Variants in SLC52A2 observed in about 807,000 individuals in gnomAD.
SLC52A2 encodes solute carrier family 52, riboflavin transporter, member 2.
SLC52A2 carries 16 observed loss-of-function variants against 24.8 expected under a neutral mutation model. The observed-to-expected ratio is 0.64, with a 90% CI of 0.44 to 0.98. The LOEUF (loss-of-function observed/expected upper bound fraction) is 0.98, where lower values mean the gene tolerates loss of function less well. Among genes scored for constraint, SLC52A2 ranks in the 50% least tolerant of loss-of-function variants. The pLI is 0.00. For synonymous variants in SLC52A2, 335 were observed against 276.3 expected (o/e 1.21, Z -2.11); for missense variants, 612 against 575.9 (o/e 1.06, Z -0.64).
rs1281874988 is a variant in SLC52A2, at chr8:144,360,275, C to T, written c.783C>T (p.Thr261=). 1.2e-6 allele frequency: 2 copies of T among 1,612,082 alleles called. No homozygotes were observed. The highest frequency in any genetic ancestry group is 1.1e-5 in the South Asian group (1 of 91,090). Residue 261 remains threonine, a synonymous_variant, in exon 3 of 5, where the codon ACC becomes ACT. Coordinates refer to ENST00000643944, the MANE Select transcript of SLC52A2 (RefSeq NM_001363118.2). ...QEPPSQAAGT[T]PGPDPKAYQL... ...CACCAAGCCAGGCAGCAGGCACCAC[C>T]CCTGGTCCAGACCCTAAGGCCTATC...
At position 144,359,206 on chromosome 8, in the gene SLC52A2, A is replaced by C; in HGVS notation, c.-88A>C. ...AAGCTAGAAGAAGTCTTCACTTCCC[A>C]GGAGAGCCAAAGCGTGTCTGGCCCT... is the stretch of plus-strand genomic sequence containing the variant. On this transcript the variant is annotated 5_prime_UTR_variant, in exon 2 of 5. Transcript: ENST00000643944. 1.3e-6 allele frequency: 2 copies of C among 1,520,240 alleles called. No individual in the cohort carries two copies. Among genetic ancestry groups the C allele is most frequent in the Non-Finnish European group, 1.8e-6 (2 of 1,135,848 alleles). The allele number at this position is 1,520,240 out of a possible 1,614,324, so 94.2% of individuals were successfully genotyped here.
At position 144,360,016 on chromosome 8, in the gene SLC52A2, C is replaced by T. The variant is rs1161104801; in HGVS notation, c.524C>T (p.Ala175Val). The T allele has an allele frequency of 1.2e-6, 2 of 1,612,884 alleles. No homozygotes were observed. Among genetic ancestry groups the T allele is most frequent in the East Asian group, 2.2e-5 (1 of 44,886 alleles). Residue 175 changes from alanine to valine, a missense_variant, in exon 3 of 5, where the codon GCC becomes GTC. Ala to Val is a moderately conservative substitution (Grantham distance 64, BLOSUM62 0). Coordinates refer to ENST00000643944, the MANE Select transcript of SLC52A2 (RefSeq NM_001363118.2). Reference sequence around the variant, plus strand: ...GTGGGCCGCCTCGAGTGCCCGCCAGCCCCCATCAACGGCACCCCTGGCCCC... The same window carrying T: ...GTGGGCCGCCTCGAGTGCCCGCCAGTCCCCATCAACGGCACCCCTGGCCCC... ...QGVGRLECPP[A>V]PINGTPGPPL... is the part of the protein sequence containing the mutation.
rs943202791 is a variant in SLC52A2 at position 144,361,232 on chromosome 8, G to A, written c.*217G>A. 2 of 569,184 alleles carry A rather than the reference G, an allele frequency of 3.5e-6. No homozygotes were observed. Among genetic ancestry groups the A allele is most frequent in the Non-Finnish European group, 6.2e-6 (2 of 320,002 alleles). 35.3% of individuals were successfully genotyped at this position (569,184 alleles called of 1,614,324 possible). On this transcript the variant is annotated 3_prime_UTR_variant, in exon 5 of 5. Coordinates refer to ENST00000643944, the MANE Select transcript of SLC52A2 (RefSeq NM_001363118.2). Reference sequence around the variant, plus strand: ...GCTGTAGGGTAAGCCCCTGAGCCTGGGACCTACATGTGGTTTGCGTAATAA... The same window carrying A: ...GCTGTAGGGTAAGCCCCTGAGCCTGAGACCTACATGTGGTTTGCGTAATAA...
rs372988060 is a variant in SLC52A2 at position 144,359,669 on chromosome 8, C to T, written c.177C>T (p.Asn59=). 9 of 1,613,666 alleles carry T rather than the reference C, an allele frequency of 5.6e-6. No individual in the cohort carries two copies. The highest frequency in any genetic ancestry group is 3.3e-5 in the Admixed American group (2 of 59,978). Reference sequence around the variant, plus strand: ...TCTCTGTGCTTGTGGCTCTGGGGAACCTGGGTCTGCTGGTGGTGACCCTCT... The same window carrying T: ...TCTCTGTGCTTGTGGCTCTGGGGAATCTGGGTCTGCTGGTGGTGACCCTCT... ...SYVSVLVALG[N]LGLLVVTLWR... Residue 59 remains asparagine (N), a synonymous_variant, in exon 3 of 5, where the codon AAC becomes AAT. Transcript: ENST00000643944.
At position 144,359,610 on chromosome 8, in the gene SLC52A2, C is replaced by T. The variant is rs781795623; in HGVS notation, c.131-13C>T. The T allele has an allele frequency of 1.9e-6, 3 of 1,609,490 alleles. No homozygotes were observed. The highest frequency in any genetic ancestry group is 2.5e-6 in the Non-Finnish European group (3 of 1,176,790). On this transcript the variant is annotated splice_polypyrimidine_tract_variant and intron_variant, in intron 2 of 4. Coordinates refer to ENST00000643944, the MANE Select transcript of SLC52A2 (RefSeq NM_001363118.2). ...CATCATGACCCTGACATGGCCTCCT[C>T]CCTTCCCTGCAGGTTGGAGCCTCCC...
In SLC52A2 at chr8:144,360,676, C is replaced by T. The variant is rs797045202; in HGVS notation, c.1088C>T (p.Pro363Leu). The T allele has an allele frequency of 5.6e-6, 9 of 1,604,958 alleles. No individual in the cohort carries two copies. Among genetic ancestry groups the T allele is most frequent in the Non-Finnish European group, 6.8e-6 (8 of 1,179,178 alleles). Residue 363 changes from proline to leucine, a missense_variant, in exon 4 of 5, where the codon CCG becomes CTG. Transcript: ENST00000643944. ...GCGCTGGCAGTCCTGAGCCCCTGCC[C>T]GCCCCTGGTGGGCACCTCGGCGGGG... ...LMALAVLSPC[P>L]PLVGTSAGVV...
At position 144,361,044 on chromosome 8, in the gene SLC52A2, A is replaced by G. The variant is rs782702045; in HGVS notation, c.*29A>G. The G allele has an allele frequency of 6.2e-7, 1 of 1,600,580 alleles. No individual in the cohort carries two copies. The highest frequency in any genetic ancestry group is 8.5e-7 in the Non-Finnish European group (1 of 1,170,506). Reference sequence around the variant, plus strand: ...TGGGCAGGTGGGGACCCCGCTCCCCAACACCTGTCTTTCCCTCAATGCTGC... The same window carrying G: ...TGGGCAGGTGGGGACCCCGCTCCCCGACACCTGTCTTTCCCTCAATGCTGC... On this transcript the variant is annotated 3_prime_UTR_variant, in exon 5 of 5. Coordinates refer to ENST00000643944, the MANE Select transcript of SLC52A2 (RefSeq NM_001363118.2).
In SLC52A2 at chr8:144,359,419, A is replaced by C. The variant is rs527404024; in HGVS notation, c.126A>C (p.Pro42=). Reference sequence around the variant, plus strand: ...TACCTGTGGTGGTCAAAGAGCTTCCAGAGGGTGAGTGGGAGGGAGGTGCAG... The same window carrying C: ...TACCTGTGGTGGTCAAAGAGCTTCCCGAGGGTGAGTGGGAGGGAGGTGCAG... ...VELPVVVKEL[P]EGWSLPSYVS... The change falls in exon 2 of 5, where the codon CCA becomes CCC. Residue 42 remains proline, a synonymous_variant. Transcript: ENST00000643944. The C allele has an allele frequency of 5.8e-5, 93 of 1,612,230 alleles. 1 individual carries two copies. The South Asian group carries it at 9.6e-4, about 17-fold the overall frequency.
chr8:144,359,671 T>G lies in SLC52A2; in HGVS notation c.179T>G (p.Leu60Arg). Residue 60 changes from leucine (L) to arginine (R), a missense_variant, in exon 3 of 5, where the codon CTG becomes CGG. Coordinates refer to ENST00000643944, the MANE Select transcript of SLC52A2 (RefSeq NM_001363118.2). Reference sequence around the variant, plus strand: ...TCTGTGCTTGTGGCTCTGGGGAACCTGGGTCTGCTGGTGGTGACCCTCTGG... The same window carrying G: ...TCTGTGCTTGTGGCTCTGGGGAACCGGGGTCTGCTGGTGGTGACCCTCTGG... ...YVSVLVALGN[L>R]GLLVVTLWRR... is the part of the protein sequence containing the mutation. 1 of 1,613,760 alleles carries G rather than the reference T, an allele frequency of 6.2e-7. No homozygotes were observed. Among genetic ancestry groups the G allele is most frequent in the Non-Finnish European group, 8.5e-7 (1 of 1,179,970 alleles).
In SLC52A2 at chr8:144,360,512, C is replaced by T; in HGVS notation, c.1001+19C>T. 7 of 1,587,316 alleles carry T rather than the reference C, an allele frequency of 4.4e-6. No individual in the cohort carries two copies. The highest frequency in any genetic ancestry group is 5.1e-6 in the Non-Finnish European group (6 of 1,170,608). On this transcript the variant is annotated intron_variant, in intron 3 of 4. Coordinates refer to ENST00000643944, the MANE Select transcript of SLC52A2 (RefSeq NM_001363118.2). Reference sequence around the variant, plus strand: ...TGTGCAGGTACACAAGGACCCCCAGCCCCTGTGCGGGTGGAACTCAGGGCT... The same window carrying T: ...TGTGCAGGTACACAAGGACCCCCAGTCCCTGTGCGGGTGGAACTCAGGGCT...
chr8:144,359,780 C>G lies in SLC52A2; in HGVS notation c.288C>G (p.Ala96=). 6.2e-7 allele frequency: 1 copy of G among 1,613,682 alleles called. No homozygotes were observed. The highest frequency in any genetic ancestry group is 8.5e-7 in the Non-Finnish European group (1 of 1,180,016). Residue 96 remains alanine, a synonymous_variant, in exon 3 of 5, where the codon GCC becomes GCG. Transcript: ENST00000643944. ...VLGMVGTALL[A]SLWHHVAPVA... ...GCATGGTGGGCACAGCCCTGCTGGC[C>G]TCTCTGTGGCACCATGTGGCCCCAG...
At chr8:144,358,559 G>A (rs571040659), upstream of SLC52A2, 7 of 1,208,140 alleles carry the variant, frequency 5.8e-6, no homozygotes, top group East Asian at 3.2e-5. Flanking sequence ...AGCTTCCGGG[G>A]CGGGACTTCC....
At position 144,360,513 on chromosome 8, in the gene SLC52A2, C is replaced by T. The variant is rs782320817; in HGVS notation, c.1001+20C>T. The T allele has an allele frequency of 3.5e-5, 56 of 1,587,082 alleles. 1 individual carries two copies. In the East Asian group the frequency reaches 4.7e-4, roughly 13 times the overall value. Reference sequence around the variant, plus strand: ...GTGCAGGTACACAAGGACCCCCAGCCCCTGTGCGGGTGGAACTCAGGGCTA... The same window carrying T: ...GTGCAGGTACACAAGGACCCCCAGCTCCTGTGCGGGTGGAACTCAGGGCTA... On this transcript the variant is annotated intron_variant, in intron 3 of 4. Coordinates refer to ENST00000643944, the MANE Select transcript of SLC52A2 (RefSeq NM_001363118.2).
In SLC52A2 at chr8:144,360,621, C is replaced by T; in HGVS notation, c.1033C>T (p.Leu345=). 1 of 1,603,792 alleles carries T rather than the reference C, an allele frequency of 6.2e-7. No homozygotes were observed. Among genetic ancestry groups the T allele is most frequent in the Admixed American group, 1.7e-5 (1 of 59,968 alleles). Residue 345 remains leucine (L), a synonymous_variant, in exon 4 of 5, where the codon CTG becomes TTG. Transcript: ENST00000643944. ...SLAGLGGLSL[L]GVFCGGYLMA... Reference sequence around the variant, plus strand: ...GGCAGGGCTGGGCGGCCTCTCTCTGCTGGGCGTGTTCTGTGGGGGCTACCT... The same window carrying T: ...GGCAGGGCTGGGCGGCCTCTCTCTGTTGGGCGTGTTCTGTGGGGGCTACCT...
chr8:144,359,468 C>T (rs909794634), intron 2 of SLC52A2, 45 bp downstream of exon 2: 13 of 1,612,730 alleles, frequency 8.1e-6, no homozygotes, highest in East Asian at 6.7e-5. Context: ...TCCTGGGCTG[C>T]GGTCAGTGGG....
chr8:144,360,057 G>C lies in SLC52A2; in HGVS notation c.565G>C (p.Glu189Gln). The C allele has an allele frequency of 6.2e-7, 1 of 1,612,898 alleles. No homozygotes were observed. Among genetic ancestry groups the C allele is most frequent in the Non-Finnish European group, 8.5e-7 (1 of 1,180,026 alleles). ...GTPGPPLDFL[E>Q]RFPASTFFWA... ...CCCTGGCCCCCCGCTCGACTTCCTT[G>C]AGCGTTTTCCCGCCAGCACCTTCTT... Residue 189 changes from glutamate to glutamine, a missense_variant, in exon 3 of 5, where the codon GAG becomes CAG. Coordinates refer to ENST00000643944, the MANE Select transcript of SLC52A2 (RefSeq NM_001363118.2).
At position 144,359,430 on chromosome 8, in the gene SLC52A2, G is replaced by C. The variant is rs1554853782; in HGVS notation, c.130+7G>C. On this transcript the variant is annotated splice_region_variant and intron_variant, in intron 2 of 4. Transcript: ENST00000643944. Reference sequence around the variant, plus strand: ...GTCAAAGAGCTTCCAGAGGGTGAGTGGGAGGGAGGTGCAGGTGTGCCCAAG... The same window carrying C: ...GTCAAAGAGCTTCCAGAGGGTGAGTCGGAGGGAGGTGCAGGTGTGCCCAAG... The C allele has an allele frequency of 6.2e-7, 1 of 1,613,718 alleles. No homozygotes were observed. Among genetic ancestry groups the C allele is most frequent in the East Asian group, 2.2e-5 (1 of 44,870 alleles).
rs1554854548 is a variant in SLC52A2, at chr8:144,360,801, A to C, written c.1126-2A>C. 4.3e-6 allele frequency: 7 copies of C among 1,612,170 alleles called. No individual in the cohort carries two copies. Among genetic ancestry groups the C allele is most frequent in the Non-Finnish European group, 5.9e-6 (7 of 1,179,020 alleles). On this transcript the variant is annotated splice_acceptor_variant, in intron 4 of 4. Transcript: ENST00000643944. LOFTEE classifies it high-confidence loss of function. Reference sequence around the variant, plus strand: ...GCTCAGCTGGTGCTGTGTCCCCCTCAGGTGCTGTCGTGGGTGCTGTGTCTT... The same window carrying C: ...GCTCAGCTGGTGCTGTGTCCCCCTCCGGTGCTGTCGTGGGTGCTGTGTCTT...
chr8:144,359,594 C>G, intron 2 of SLC52A2, 29 bp from the exon 3 acceptor site: 1 of 1,605,404 alleles, frequency 6.2e-7, no homozygotes, highest in Non-Finnish European at 8.5e-7. Flanking sequence ...GCATCATGAC[C>G]CTGACATGGC....
Sources: gnomAD v4.1 joint callset for allele counts on GRCh38, gnomAD v4.1.1 for gene constraint, MANE v1.5 for transcripts, NCBI Gene and HGNC (gene_info 2026-07-23, HGNC 2026-07-21) for gene names.